The following ATE1 variants were observed in gnomAD, a reference collection of about 807,000 sequenced individuals.
The protein encoded by ATE1 is arginyl-tRNA--protein transferase 1.
Under a neutral mutation model 70.5 loss-of-function variants are expected in ATE1, and 36 were observed. That is an observed-to-expected ratio of 0.51 (90% CI 0.39 to 0.67). ATE1 has a LOEUF of 0.67. ATE1 is among the 30% of genes least tolerant of loss of function. The pLI is 0.00. For missense variants in ATE1, 593 were observed against 629.5 expected (o/e 0.94, Z 0.62); for synonymous variants, 232 against 219.3 (o/e 1.06, Z -0.51).
At chr10:121,889,880 T>C (rs767126021) in intron 7 of ATE1, among the ~76,000 whole-genome samples, 6 of 152,182 alleles carry the variant, frequency 3.9e-5, no homozygotes, top group African/African-American at 9.6e-5. Flanking sequence ...TGTGATGTTA[T>C]AGAATTTCTA....
Position 121,743,608 on chromosome 10 carries a change from A to G in ATE1, c.*72T>C, listed in dbSNP as rs1404394924. On this transcript the variant is annotated 3_prime_UTR_variant, in exon 12 of 12. Transcript: ENST00000224652. ...TGTGGGTGGTGACAGTTATTTCCCC[A>G]CAGGTACTGAATATGTATCCTGGCA... 2 of 1,455,470 alleles carry G rather than the reference A, an allele frequency of 1.4e-6. No individual in the cohort carries two copies. Among genetic ancestry groups the G allele is most frequent in the Non-Finnish European group, 1.8e-6 (2 of 1,106,656 alleles). 90.2% of individuals were successfully genotyped at this position (1,455,470 alleles called of 1,614,324 possible).
intron 10 of ATE1, among the ~76,000 whole-genome samples, chr10:121,821,272 G>C (rs563683457): frequency 3.3e-5 from 5 of 152,108 alleles, no homozygotes; most frequent in East Asian, 1.9e-4. Flanking sequence ...CCATAGGGTA[G>C]GCAAATATTT....
At chr10:121,891,433 T>C (rs949471533) in intron 7 of ATE1, among the ~76,000 whole-genome samples, 1 of 152,184 alleles carries the variant, frequency 6.6e-6, no homozygotes, top group Non-Finnish European at 1.5e-5. Flanking sequence ...TGAATATACC[T>C]GGCTTGCAGG....
intron 10 of ATE1, among the ~76,000 whole-genome samples, chr10:121,825,666 G>A (rs551830440): frequency 5.3e-4 from 80 of 152,244 alleles, no homozygotes; most frequent in Middle Eastern, 3.4e-3. Flanking sequence ...AAAAACAAAC[G>A]GCAGCCCAGA....
At chr10:121,769,674 A>G (rs538255995) in intron 11 of ATE1, among the ~76,000 whole-genome samples, 1 of 152,366 alleles carries the variant, frequency 6.6e-6, no homozygotes, top group African/African-American at 2.4e-5. Flanking sequence ...GCAATATAAA[A>G]ACAAATCCAT....
intron 10 of ATE1, among the ~76,000 whole-genome samples, chr10:121,809,588 C>T (rs546544810): frequency 2.3e-4 from 35 of 152,192 alleles, no homozygotes; most frequent in Non-Finnish European, 4.6e-4. Flanking sequence ...TGCCTTGATT[C>T]GTGCTAAGAC....
chr10:121,753,525 T>C (rs1944672054), intron 11 of ATE1, among the ~76,000 whole-genome samples: 1 of 152,066 alleles, frequency 6.6e-6, no homozygotes, highest in Non-Finnish European at 1.5e-5. Context: ...CAGTAAAAGG[T>C]CACCAGAGAA....
At chr10:121,851,121 A>AAAAAAAAAT (rs1949040206) in intron 8 of ATE1, among the ~76,000 whole-genome samples, 1 of 138,386 alleles carries the variant, frequency 7.2e-6, no homozygotes, top group South Asian at 2.2e-4. Context: ...AAAAAAAAAA[A>AAAAAAAAAT]AAGAATTTCA....
At chr10:121,799,546 AG>A (rs1334712961) in intron 10 of ATE1, among the ~76,000 whole-genome samples, 3 of 152,306 alleles carry the variant, frequency 2.0e-5, no homozygotes, top group African/African-American at 7.2e-5. Context: ...TTCACCAAAC[AG>A]GAGATGAAAT....
intron 3 of ATE1, among the ~76,000 whole-genome samples, chr10:121,916,214 G>A (rs569252950): frequency 4.6e-5 from 7 of 152,166 alleles, no homozygotes; most frequent in South Asian, 2.1e-4. Context: ...GAAACAGAGC[G>A]AGACTCTGCC....
chr10:121,846,323 T>C (rs1590469895), intron 8 of ATE1, among the ~76,000 whole-genome samples: 1 of 152,104 alleles, frequency 6.6e-6, no homozygotes, highest in African/African-American at 2.4e-5. Flanking sequence ...ATTGAATAAA[T>C]TAATAAATGA....
chr10:121,816,179 A>G (rs903916930), intron 10 of ATE1, among the ~76,000 whole-genome samples: 9 of 152,364 alleles, frequency 5.9e-5, no homozygotes, highest in African/African-American at 2.2e-4. Context: ...ATTATACAAA[A>G]TTTATTATCA....
intron 11 of ATE1, among the ~76,000 whole-genome samples, chr10:121,748,882 T>C (rs1417050257): frequency 6.6e-6 from 1 of 152,186 alleles, no homozygotes. Context: ...CTATATTTAG[T>C]CTTAGTGTTC....
intron 10 of ATE1, among the ~76,000 whole-genome samples, chr10:121,812,465 G>A (rs1947364619): frequency 6.6e-6 from 1 of 152,152 alleles, no homozygotes; most frequent in African/African-American, 2.4e-5. Flanking sequence ...ATTCTCCCAA[G>A]ACCCCCTTTA....
At chr10:121,876,749 G>A (rs1950062598) in intron 7 of ATE1, among the ~76,000 whole-genome samples, 3 of 152,066 alleles carry the variant, frequency 2.0e-5, no homozygotes, top group Non-Finnish European at 2.9e-5. Flanking sequence ...GGCGGATCAC[G>A]ATGTCAGCAG....
intron 8 of ATE1, among the ~76,000 whole-genome samples, chr10:121,847,279 G>C (rs191394665): frequency 2.2e-4 from 33 of 151,046 alleles, no homozygotes; most frequent in Middle Eastern, 3.4e-3. Flanking sequence ...AAACCCTGTC[G>C]CTACTAAAAA....
intron 10 of ATE1, among the ~76,000 whole-genome samples, chr10:121,795,611 T>G (rs1446624212): frequency 6.6e-6 from 1 of 152,220 alleles, no homozygotes; most frequent in East Asian, 1.9e-4. Flanking sequence ...AATCACGTTT[T>G]TAGACTAGGT....
At chr10:121,878,581 A>T (rs1265718089) in intron 7 of ATE1, among the ~76,000 whole-genome samples, 1 of 151,624 alleles carries the variant, frequency 6.6e-6, no homozygotes, top group African/African-American at 2.4e-5. Flanking sequence ...CGACAGAGGG[A>T]GACTGTGTCT....
chr10:121,840,725 C>T (rs1279649964), intron 9 of ATE1, among the ~76,000 whole-genome samples: 2 of 150,938 alleles, frequency 1.3e-5, no homozygotes, highest in Non-Finnish European at 2.9e-5. Context: ...ATTATAGATA[C>T]TAGTTATACA....
Sources: gnomAD v4.1 joint callset for allele counts (sites outside exome capture counted in the v4.1 genomes callset) on GRCh38, gnomAD v4.1.1 for gene constraint, MANE v1.5 for transcripts, NCBI Gene and HGNC (gene_info 2026-07-23, HGNC 2026-07-21) for gene names.